The following CNTNAP2 variants were observed in gnomAD, a reference collection of about 807,000 sequenced individuals.
The protein encoded by CNTNAP2 is contactin associated protein 2, also known as contactin-associated protein-like 2.
CNTNAP2 carries 98 observed loss-of-function variants against 155.2 expected under a neutral mutation model. That is an observed-to-expected ratio of 0.63 (90% CI 0.54 to 0.75). The LOEUF (loss-of-function observed/expected upper bound fraction) is 0.75, where lower values mean the gene tolerates loss of function less well. Among genes scored for constraint, CNTNAP2 ranks in the 30% least tolerant of loss-of-function variants. The pLI, the probability that CNTNAP2 is intolerant of heterozygous loss-of-function variation, is 0.00. For synonymous variants in CNTNAP2, 651 were observed against 631.2 expected (o/e 1.03, Z -0.47); for missense variants, 1,727 against 1,688.1 (o/e 1.02, Z -0.40).
intron 13 of CNTNAP2, among the ~76,000 whole-genome samples, chr7:147,734,171 T>C (rs1796796402): frequency 6.6e-6 from 1 of 152,230 alleles, no homozygotes; most frequent in Non-Finnish European, 1.5e-5. Flanking sequence ...ATAGCCTTTA[T>C]TATTTTGAGA....
At chr7:147,347,276 G>T (rs1795880331) in intron 9 of CNTNAP2, among the ~76,000 whole-genome samples, 1 of 151,798 alleles carries the variant, frequency 6.6e-6, no homozygotes, top group African/African-American at 2.4e-5. Context: ...CAGTGGACTT[G>T]TTTGCAACCC....
intron 1 of CNTNAP2, among the ~76,000 whole-genome samples, chr7:146,596,195 G>C (rs1798856085): frequency 6.6e-6 from 1 of 151,906 alleles, no homozygotes; most frequent in Admixed American, 6.6e-5. Flanking sequence ...TTCAGTCACT[G>C]TTACATTCAG....
At chr7:148,272,441 T>A (rs1394398388) in intron 21 of CNTNAP2, among the ~76,000 whole-genome samples, 1 of 152,190 alleles carries the variant, frequency 6.6e-6, no homozygotes, top group Non-Finnish European at 1.5e-5. Flanking sequence ...GCTCATGTCC[T>A]TTTCAACATC....
At chr7:146,834,093 C>G (rs1403039748) in intron 2 of CNTNAP2, among the ~76,000 whole-genome samples, 1 of 151,408 alleles carries the variant, frequency 6.6e-6, no homozygotes, top group East Asian at 1.9e-4. Context: ...TTTTTTTTCA[C>G]CTTGTATTTT....
intron 13 of CNTNAP2, among the ~76,000 whole-genome samples, chr7:147,761,518 C>T (rs1412702298): frequency 6.6e-6 from 1 of 152,158 alleles, no homozygotes; most frequent in Non-Finnish European, 1.5e-5. Context: ...CAACAATCAC[C>T]ATTTTAAGTA....
intron 3 of CNTNAP2, among the ~76,000 whole-genome samples, chr7:146,896,735 T>C (rs539060153): frequency 1.9e-4 from 29 of 152,212 alleles, no homozygotes; most frequent in African/African-American, 7.0e-4. Context: ...AGCTTTTGCT[T>C]AAATAATTCT....
chr7:147,382,428 C>T (rs553982434), intron 9 of CNTNAP2, among the ~76,000 whole-genome samples: 12 of 152,222 alleles, frequency 7.9e-5, no homozygotes, highest in African/African-American at 2.6e-4. Context: ...ATGGAAGTGC[C>T]AGGATCAACT....
At chr7:147,958,168 A>G (rs2116839151) in intron 14 of CNTNAP2, among the ~76,000 whole-genome samples, 1 of 147,688 alleles carries the variant, frequency 6.8e-6, no homozygotes, top group South Asian at 2.3e-4. Context: ...CTGTATCACG[A>G]GTAATTTGAA....
At chr7:147,877,143 TGTG>T (rs1194820615) in intron 13 of CNTNAP2, among the ~76,000 whole-genome samples, 3 of 152,112 alleles carry the variant, frequency 2.0e-5, no homozygotes, top group Non-Finnish European at 4.4e-5. Flanking sequence ...AAGGCTTTTT[TGTG>T]TTGTTTGGCC....
At chr7:146,744,356 CTT>C (rs1801774028) in intron 1 of CNTNAP2, among the ~76,000 whole-genome samples, 1 of 151,484 alleles carries the variant, frequency 6.6e-6, no homozygotes, top group Non-Finnish European at 1.5e-5. Context: ...AAAATTAAGC[CTT>C]ATTTACTGGG....
chr7:147,066,514 G>C (rs1385805415), intron 4 of CNTNAP2, among the ~76,000 whole-genome samples: 1 of 152,132 alleles, frequency 6.6e-6, no homozygotes, highest in Non-Finnish European at 1.5e-5. Flanking sequence ...TGACATATTG[G>C]ATTTTATAAA....
chr7:147,368,022 TCCCCCTCCTC>T (rs1796269102), intron 9 of CNTNAP2, among the ~76,000 whole-genome samples: 2 of 26,844 alleles, frequency 7.5e-5, no homozygotes, highest in African/African-American at 4.0e-4. Context: ...CTCCCCCCCC[TCCCCCTCCTC>T]CTCTGTCCCC....
At chr7:146,578,034 T>G (rs1489606820) in intron 1 of CNTNAP2, among the ~76,000 whole-genome samples, 4 of 152,156 alleles carry the variant, frequency 2.6e-5, no homozygotes, top group African/African-American at 9.6e-5. Flanking sequence ...ACAATCATTT[T>G]AATTTTCTAT....
At chr7:146,420,606 G>C (rs1488729365) in intron 1 of CNTNAP2, among the ~76,000 whole-genome samples, 2 of 152,072 alleles carry the variant, frequency 1.3e-5, no homozygotes, top group African/African-American at 4.8e-5. Context: ...GTTGTCCACT[G>C]TCTCACCCCA....
chr7:146,759,744 G>A (rs1802059112), intron 1 of CNTNAP2, among the ~76,000 whole-genome samples: 1 of 148,596 alleles, frequency 6.7e-6, no homozygotes, highest in South Asian at 2.1e-4. Flanking sequence ...GTGAGAGCAA[G>A]GTCCCTCAGA....
At chr7:146,992,902 G>A (rs1211345198) in intron 3 of CNTNAP2, among the ~76,000 whole-genome samples, 1 of 152,084 alleles carries the variant, frequency 6.6e-6, no homozygotes, top group East Asian at 1.9e-4. Flanking sequence ...GTAACAAGTT[G>A]ATAACCAGAA....
intron 1 of CNTNAP2, among the ~76,000 whole-genome samples, chr7:146,699,878 G>C (rs1307607491): frequency 6.6e-6 from 1 of 152,132 alleles, no homozygotes; most frequent in Admixed American, 6.6e-5. Context: ...TGAGGCACAA[G>C]AATCTCTTGA....
intron 2 of CNTNAP2, among the ~76,000 whole-genome samples, chr7:146,813,256 A>G (rs1186634008): frequency 1.3e-5 from 2 of 152,146 alleles, no homozygotes; most frequent in Non-Finnish European, 2.9e-5. Context: ...GGCACCTGCA[A>G]CAGCCACAGT....
At chr7:148,176,194 T>C (rs1213940832) in intron 18 of CNTNAP2, among the ~76,000 whole-genome samples, 3 of 148,924 alleles carry the variant, frequency 2.0e-5, no homozygotes, top group Non-Finnish European at 4.4e-5. Flanking sequence ...AAACCCTTTT[T>C]TCTTTTCTTT....
Sources: allele counts gnomAD v4.1 joint callset (sites outside exome capture counted in the v4.1 genomes callset), GRCh38; gene constraint gnomAD v4.1.1; transcripts MANE v1.5; gene names NCBI Gene and HGNC (gene_info 2026-07-23, HGNC 2026-07-21).